ENPP3: variants seen among roughly 807,000 people sequenced by gnomAD.
ENPP3 encodes the protein ectonucleotide pyrophosphatase/phosphodiesterase family member 3.
A neutral mutation model predicts 117.8 loss-of-function variants in ENPP3; 104 were observed. That is an observed-to-expected ratio of 0.88 (90% CI 0.75 to 1.04). ENPP3 has a LOEUF of 1.04. ENPP3 is among the 50% of genes least tolerant of loss of function. The pLI, the probability that ENPP3 is intolerant of heterozygous loss-of-function variation, is 0.00. For synonymous variants in ENPP3, 380 were observed against 349.9 expected (o/e 1.09, Z -0.96); for missense variants, 1,026 against 1,051.9 (o/e 0.98, Z 0.34).
At chr6:131,721,440 C>A (rs1020068941) in intron 17 of ENPP3, among the ~76,000 whole-genome samples, 1 of 152,070 alleles carries the variant, frequency 6.6e-6, no homozygotes, top group African/African-American at 2.4e-5. Flanking sequence ...CTTTGCAGAA[C>A]TGGTTAAAAG....
intron 6 of ENPP3, among the ~76,000 whole-genome samples, chr6:131,666,799 A>T (rs1778625541): frequency 6.6e-6 from 1 of 152,174 alleles, no homozygotes. Context: ...CTCTGTGTTG[A>T]CATCTGCACG....
intron 14 of ENPP3, among the ~76,000 whole-genome samples, chr6:131,689,772 G>A (rs1420508042): frequency 3.9e-5 from 6 of 152,162 alleles, no homozygotes; most frequent in Non-Finnish European, 7.4e-5. Context: ...ATTATAAAGT[G>A]AAAACCTTCT....
At chr6:131,727,827 G>A (rs745490914) in intron 20 of ENPP3, among the ~76,000 whole-genome samples, 1 of 152,174 alleles carries the variant, frequency 6.6e-6, no homozygotes, top group Non-Finnish European at 1.5e-5. Flanking sequence ...TAGATCCAGA[G>A]ACTGATGACA....
chr6:131,696,303 C>G (rs1779404110), intron 15 of ENPP3, among the ~76,000 whole-genome samples: 1 of 152,148 alleles, frequency 6.6e-6, no homozygotes, highest in African/African-American at 2.4e-5. Context: ...AAGTACCTGA[C>G]CAAAGGATCT....
rs148506884 is a variant in ENPP3, at chr6:131,726,093, C to A, written c.1846C>A (p.Leu616Met). ...TTTGCCATTTGGGAGGCCTAGGGTA[C>A]TGCAGAAGAACGTGGACCACTGTCT... ...VNLPFGRPRV[L>M]QKNVDHCLLY... Residue 616 changes from leucine (L) to methionine (M), a missense_variant, in exon 20 of 25, where the codon CTG becomes ATG. By Grantham distance (15) the Leu-to-Met change is conservative (BLOSUM62 2). Transcript: ENST00000357639. 3 of 1,613,002 alleles carry A rather than the reference C, an allele frequency of 1.9e-6. No individual in the cohort carries two copies. The highest frequency in any genetic ancestry group is 1.3e-5 in the African/African-American group (1 of 74,876).
intron 20 of ENPP3, among the ~76,000 whole-genome samples, chr6:131,731,030 T>G (rs1412024924): frequency 1.3e-5 from 2 of 152,190 alleles, no homozygotes; most frequent in Non-Finnish European, 2.9e-5. Flanking sequence ...GTCTGCAACT[T>G]CATCCTCTAG....
chr6:131,685,902 C>G lies in ENPP3; in HGVS notation c.1279C>G (p.Leu427Val). ...SFNSEEIVRN[L>V]SCRKPDQHFK... ...TAATTCTGAGGAAATTGTTAGAAAC[C>G]TCAGTGTAAGTATACAATACTCTTA... is the stretch of plus-strand genomic sequence containing the variant. The change falls in exon 14 of 25, where the codon CTC becomes GTC. Residue 427 changes from leucine to valine, a missense_variant. Coordinates refer to ENST00000357639, the MANE Select transcript of ENPP3 (RefSeq NM_005021.5). 1 of 935,670 alleles carries G rather than the reference C, an allele frequency of 1.1e-6. No individual in the cohort carries two copies. 58.0% of individuals were successfully genotyped at this position (935,670 alleles called of 1,614,324 possible). A position where few individuals can be genotyped will look rare whatever the true frequency, so the allele number is the denominator to read the frequency against.
intron 12 of ENPP3, among the ~76,000 whole-genome samples, chr6:131,683,995 C>T (rs1036324814): frequency 6.6e-6 from 1 of 152,122 alleles, no homozygotes; most frequent in Non-Finnish European, 1.5e-5. Context: ...TTGTGATCCG[C>T]CCACCTCGGC....
chr6:131,647,049 T>C (rs1778167683), intron 2 of ENPP3, among the ~76,000 whole-genome samples: 1 of 151,428 alleles, frequency 6.6e-6, no homozygotes, highest in African/African-American at 2.4e-5. Flanking sequence ...AATTTTTGTA[T>C]GCTTTGTAGA....
At chr6:131,646,863 T>C (rs1778163418) in intron 2 of ENPP3, among the ~76,000 whole-genome samples, 1 of 151,982 alleles carries the variant, frequency 6.6e-6, no homozygotes, top group Non-Finnish European at 1.5e-5. Context: ...TATCTTCGAT[T>C]TGATTTAGAG....
chr6:131,654,252 G>A (rs1778332512), intron 5 of ENPP3, among the ~76,000 whole-genome samples: 1 of 151,786 alleles, frequency 6.6e-6, no homozygotes, highest in African/African-American at 2.4e-5. Context: ...TCCCATCTCG[G>A]CCTCGTAAGT....
intron 6 of ENPP3, among the ~76,000 whole-genome samples, chr6:131,663,771 T>C (rs1265943261): frequency 1.3e-5 from 2 of 152,276 alleles, no homozygotes; most frequent in African/African-American, 4.8e-5. Flanking sequence ...ATTCATATTT[T>C]TGTGGTGATG....
intron 15 of ENPP3, among the ~76,000 whole-genome samples, chr6:131,716,173 A>T (rs116802558): frequency 6.6e-6 from 1 of 152,182 alleles, no homozygotes; most frequent in Non-Finnish European, 1.5e-5. Flanking sequence ...GTTCCAAAAT[A>T]TTTCATATGG....
intron 6 of ENPP3, among the ~76,000 whole-genome samples, chr6:131,662,118 A>G (rs569917933): frequency 2.6e-5 from 4 of 152,298 alleles, no homozygotes; most frequent in South Asian, 2.1e-4. Flanking sequence ...CTGCATATGG[A>G]TATCCACTTT....
At chr6:131,730,539 G>A (rs1318796971) in intron 20 of ENPP3, among the ~76,000 whole-genome samples, 1 of 152,168 alleles carries the variant, frequency 6.6e-6, no homozygotes, top group Non-Finnish European at 1.5e-5. Context: ...GAGTTTTTGT[G>A]TCTCAACATG....
At chr6:131,726,240 A>C in intron 20 of ENPP3, 40 bp downstream of exon 20, 1 of 1,568,782 alleles carries the variant, frequency 6.4e-7, no homozygotes, top group Non-Finnish European at 8.7e-7. Context: ...GGCAAGAAAT[A>C]TTTATAATCC....
chr6:131,734,272 TTTGTTGTTG>T (rs956264655), intron 21 of ENPP3, among the ~76,000 whole-genome samples: 2 of 152,032 alleles, frequency 1.3e-5, no homozygotes, highest in African/African-American at 2.4e-5. Context: ...AATTTAAGTT[TTTGTTGTTG>T]TTGTTGTTGT....
In ENPP3 at chr6:131,722,342, T is replaced by C. The variant is rs1165826774; in HGVS notation, c.1683T>C (p.Val561=). 2 of 1,614,090 alleles carry C rather than the reference T, an allele frequency of 1.2e-6. No homozygotes were observed. Among genetic ancestry groups the C allele is most frequent in the Non-Finnish European group, 8.5e-7 (1 of 1,179,968 alleles). The part of the protein sequence containing the change: ...SHAEEVSKFS[V]CGFANPLPTE... ...CAGAGGAGGTGTCAAAGTTTTCTGTTTGTGGCTTTGCTAATCCATTGCCCA... is the reference window on the plus strand; with the variant it reads ...CAGAGGAGGTGTCAAAGTTTTCTGTCTGTGGCTTTGCTAATCCATTGCCCA... The change falls in exon 18 of 25, where the codon GTT becomes GTC. Residue 561 remains valine, a synonymous_variant. Coordinates refer to ENST00000357639, the MANE Select transcript of ENPP3 (RefSeq NM_005021.5).
At chr6:131,679,229 G>A (rs911668560) in intron 11 of ENPP3, among the ~76,000 whole-genome samples, 1 of 151,436 alleles carries the variant, frequency 6.6e-6, no homozygotes, top group Non-Finnish European at 1.5e-5. Context: ...TGAGTAGCTG[G>A]GACTACAGGC....
Sources: allele counts gnomAD v4.1 joint callset (sites outside exome capture counted in the v4.1 genomes callset), GRCh38; gene constraint gnomAD v4.1.1; transcripts MANE v1.5; gene names NCBI Gene and HGNC (gene_info 2026-07-23, HGNC 2026-07-21).